RYR2: variants seen among roughly 807,000 people sequenced by gnomAD.
The protein encoded by RYR2 is ryanodine receptor 2.
In RYR2, 227 loss-of-function variants were observed where a neutral mutation model predicts 601.1. That is an observed-to-expected ratio of 0.38 (90% CI 0.34 to 0.42). The LOEUF (loss-of-function observed/expected upper bound fraction) is 0.42, where lower values mean the gene tolerates loss of function less well. Among genes scored for constraint, RYR2 ranks in the 10% least tolerant of loss-of-function variants. RYR2 has a pLI of 1.00. For synonymous variants in RYR2, 2,223 were observed against 2,175.1 expected, an observed-to-expected ratio of 1.02 and a Z score of -0.61; for missense variants, 4,646 against 6,156.5, an observed-to-expected ratio of 0.75 and a Z score of 8.21.
At chr1:237,108,232 C>A (rs953020130) in intron 1 of RYR2, among the ~76,000 whole-genome samples, 1 of 152,122 alleles carries the variant, frequency 6.6e-6, no homozygotes, top group Non-Finnish European at 1.5e-5. Context: ...AGGAGAGGGG[C>A]CTGGGAATCT....
chr1:237,564,416 T>C (rs1014702943), intron 27 of RYR2, among the ~76,000 whole-genome samples: 3 of 152,082 alleles, frequency 2.0e-5, no homozygotes, highest in African/African-American at 7.2e-5. Flanking sequence ...ATTACAGGCA[T>C]ATGCCACCAG....
intron 77 of RYR2, 127 bp from the exon 78 acceptor site, chr1:237,731,918 AC>A (rs368696904): frequency 1.3e-5 from 8 of 607,262 alleles, no homozygotes; most frequent in Middle Eastern, 4.1e-4. Flanking sequence ...ACACACACAC[AC>A]CCCACAACAG....
At chr1:237,594,894 T>TGTTTTTTTTTG (rs1334728750) in intron 33 of RYR2, among the ~76,000 whole-genome samples, 2 of 18,338 alleles carry the variant, frequency 1.1e-4, no homozygotes, top group East Asian at 8.0e-4. Flanking sequence ...GGGTTTTTTT[T>TGTTTTTTTTTG]TTTTTTTTTT....
At chr1:237,090,162 C>T (rs1282799108) in intron 1 of RYR2, among the ~76,000 whole-genome samples, 2 of 152,150 alleles carry the variant, frequency 1.3e-5, no homozygotes, top group East Asian at 1.9e-4. Flanking sequence ...AATTACCTCC[C>T]ACTGGATCCC....
At chr1:237,164,855 C>T (rs1380103974) in intron 1 of RYR2, among the ~76,000 whole-genome samples, 1 of 152,154 alleles carries the variant, frequency 6.6e-6, no homozygotes, top group African/African-American at 2.4e-5. Context: ...AGCTCCTGTC[C>T]ATACTCCGTA....
intron 1 of RYR2, among the ~76,000 whole-genome samples, chr1:237,230,226 G>A (rs1238683240): frequency 6.6e-6 from 1 of 152,200 alleles, no homozygotes; most frequent in African/African-American, 2.4e-5. Flanking sequence ...GAGGGGAAAT[G>A]TAACTGTAAT....
chr1:237,281,883 G>C (rs1363782498), intron 2 of RYR2, among the ~76,000 whole-genome samples: 1 of 152,166 alleles, frequency 6.6e-6, no homozygotes, highest in Non-Finnish European at 1.5e-5. Context: ...AATTCAGATG[G>C]TCAGAGCTGA....
At chr1:237,801,035 A>G (rs1659895309) in intron 97 of RYR2, among the ~76,000 whole-genome samples, 1 of 131,122 alleles carries the variant, frequency 7.6e-6, no homozygotes, top group Non-Finnish European at 1.7e-5. Context: ...AATTTTCTGG[A>G]AATGAAGTAA....
chr1:237,565,213 T>C (rs1315305437), intron 27 of RYR2, among the ~76,000 whole-genome samples: 1 of 134,588 alleles, frequency 7.4e-6, no homozygotes, highest in Admixed American at 7.5e-5. Context: ...CTTTCTTTCT[T>C]TCTTTCTTTC....
intron 10 of RYR2, among the ~76,000 whole-genome samples, chr1:237,409,714 T>C (rs1704253690): frequency 6.6e-6 from 1 of 152,098 alleles, no homozygotes; most frequent in South Asian, 2.1e-4. Flanking sequence ...TTTGGATAAA[T>C]GAAGTAGTAT....
rs1660058343 is a variant in RYR2 at position 237,042,678 on chromosome 1, AG to A, written c.48+114del. ...GCAGCGGGGACTCGCGGGCGGGGCG[AG>A]GGGGTGCCCCCTGAGGATGCGGGAG... On this transcript the variant is annotated intron_variant, in intron 1 of 104. Transcript: ENST00000366574. 16 of 1,093,606 alleles carry A rather than the reference AG, an allele frequency of 1.5e-5. No homozygotes were observed. In the Admixed American group the frequency reaches 5.1e-4, roughly 35 times the overall value. 67.7% of individuals were successfully genotyped at this position (1,093,606 alleles called of 1,614,324 possible). A position where few individuals can be genotyped will look rare whatever the true frequency, so the allele number is the denominator to read the frequency against.
chr1:237,266,089 C>T lies in RYR2; in HGVS notation c.49-4408C>T, dbSNP rs80085999. ...CCAAGGTGAAAAAAATGATGGTCAT[C>T]ATGTGCATTTCAGCACTCAGAAACA... On this transcript the variant is annotated intron_variant, in intron 1 of 104. Transcript: ENST00000366574. Among the ~76,000 whole-genome samples, 737 of 152,300 alleles carry T rather than the reference C, an allele frequency of 4.8e-3. 10 individuals carry two copies. The highest frequency in any genetic ancestry group is 0.016 in the African/African-American group (672 of 41,562).
intron 10 of RYR2, among the ~76,000 whole-genome samples, chr1:237,413,378 T>G (rs562252504): frequency 2.4e-4 from 36 of 152,286 alleles, no homozygotes; most frequent in African/African-American, 8.4e-4. Flanking sequence ...ATGTAAAATT[T>G]TAATAAAAAT....
intron 29 of RYR2, among the ~76,000 whole-genome samples, chr1:237,578,149 C>A (rs1673474152): frequency 6.6e-6 from 1 of 151,934 alleles, no homozygotes; most frequent in African/African-American, 2.4e-5. Context: ...GTCTGTAGAG[C>A]TTTTGGGACT....
chr1:237,218,890 T>G (rs1683474914), intron 1 of RYR2, among the ~76,000 whole-genome samples: 1 of 152,090 alleles, frequency 6.6e-6, no homozygotes, highest in Non-Finnish European at 1.5e-5. Flanking sequence ...AAGAGATGCT[T>G]ATTTCCATTT....
intron 3 of RYR2, among the ~76,000 whole-genome samples, chr1:237,342,197 G>A (rs192107089): frequency 6.6e-6 from 1 of 151,236 alleles, no homozygotes; most frequent in Admixed American, 6.6e-5. Context: ...TATCCATGCT[G>A]GAGTGCAGTG....
At chr1:237,427,066 A>C (rs770701397) in intron 12 of RYR2, among the ~76,000 whole-genome samples, 2 of 152,168 alleles carry the variant, frequency 1.3e-5, no homozygotes, top group Non-Finnish European at 2.9e-5. Context: ...AAAAGGAAAC[A>C]CTCAAATATA....
chr1:237,668,747 G>A (rs1684547386), intron 58 of RYR2, among the ~76,000 whole-genome samples: 1 of 152,164 alleles, frequency 6.6e-6, no homozygotes, highest in African/African-American at 2.4e-5. Flanking sequence ...TTTGAAAGTG[G>A]GGATATTTCA....
At chr1:237,596,551 T>C (rs1158963146) in intron 34 of RYR2, among the ~76,000 whole-genome samples, 1 of 152,028 alleles carries the variant, frequency 6.6e-6, no homozygotes, top group Non-Finnish European at 1.5e-5. Context: ...CCTATAGAAC[T>C]TATGGGATGC....
Sources: allele counts gnomAD v4.1 joint callset (sites outside exome capture counted in the v4.1 genomes callset), GRCh38; gene constraint gnomAD v4.1.1; transcripts MANE v1.5; gene names NCBI Gene and HGNC (gene_info 2026-07-23, HGNC 2026-07-21).